NUFIP2: variants seen among roughly 807,000 people sequenced by gnomAD.
The protein encoded by NUFIP2 is nuclear FMR1 interacting protein 2.
A neutral mutation model predicts 56.9 loss-of-function variants in NUFIP2; 6 were observed. The ratio of observed to expected loss-of-function variants is 0.11; its 90% CI spans 0.06 to 0.21. The LOEUF (loss-of-function observed/expected upper bound fraction) is 0.21, where lower values mean the gene tolerates loss of function less well. NUFIP2 is among the 10% of genes least tolerant of loss of function. The pLI, the probability that NUFIP2 is intolerant of heterozygous loss-of-function variation, is 1.00. For synonymous variants in NUFIP2, 321 were observed against 298.2 expected, an observed-to-expected ratio of 1.08 and a Z score of -0.79; for missense variants, 828 against 826.8, an observed-to-expected ratio of 1.00 and a Z score of -0.02.
In NUFIP2 at chr17:29,288,217, T is replaced by C. The variant is rs181145021; in HGVS notation, c.278-501A>G. 9.2e-5 allele frequency among the ~76,000 whole-genome samples: 14 copies of C among 152,338 alleles called. No individual in the cohort carries two copies. The East Asian group carries it at 2.5e-3, about 27-fold the overall frequency. ...CACCACCACGCTCGGCTAATTCTTT[T>C]TGTATTTTTAGTAGAGACAGGATTT... is the stretch of plus-strand genomic sequence containing the variant. On this transcript the variant is annotated intron_variant, in intron 1 of 3. Coordinates refer to ENST00000225388, the MANE Select transcript of NUFIP2 (RefSeq NM_020772.3).
chr17:29,290,653 C>CAAAA (rs749932039), intron 1 of NUFIP2, among the ~76,000 whole-genome samples: 1 of 99,422 alleles, frequency 1.0e-5, no homozygotes. Context: ...GGCTGTGTCT[C>CAAAA]AAAAAAAAAA....
chr17:29,285,948 A>C, intron 2 of NUFIP2, 44 bp downstream of exon 2: 1 of 1,412,474 alleles, frequency 7.1e-7, no homozygotes, highest in Non-Finnish European at 9.7e-7. Flanking sequence ...ACAATATACT[A>C]AATTGGCCAA....
chr17:29,265,311 T>TTTA (rs2153010684), intron 3 of NUFIP2, among the ~76,000 whole-genome samples: 4 of 148,106 alleles, frequency 2.7e-5, no homozygotes, highest in African/African-American at 9.8e-5. Context: ...TTTTATTTTT[T>TTTA]TTTTTTTTTG....
At chr17:29,270,244 C>A (rs1016014695) in intron 2 of NUFIP2, among the ~76,000 whole-genome samples, 3 of 150,626 alleles carry the variant, frequency 2.0e-5, no homozygotes, top group Admixed American at 2.0e-4. Flanking sequence ...TGCGCAGACA[C>A]CTATCCAAAG....
chr17:29,277,662 G>A (rs1710554750), intron 2 of NUFIP2, among the ~76,000 whole-genome samples: 1 of 152,088 alleles, frequency 6.6e-6, no homozygotes, highest in African/African-American at 2.4e-5. Flanking sequence ...TTACAAAGAA[G>A]CTTGTCAGAA....
chr17:29,265,304 TA>T (rs199612767), intron 3 of NUFIP2, among the ~76,000 whole-genome samples: 34 of 130,296 alleles, frequency 2.6e-4, no homozygotes, highest in Non-Finnish European at 3.3e-4. Context: ...TATTTTATTT[TA>T]TTTTTTTTTT....
At chr17:29,290,830 C>G (rs945846929) in intron 1 of NUFIP2, among the ~76,000 whole-genome samples, 1 of 151,708 alleles carries the variant, frequency 6.6e-6, no homozygotes, top group Non-Finnish European at 1.5e-5. Context: ...TCCTTGGGCC[C>G]ATTAGTCACA....
At chr17:29,283,101 A>C (rs2069150158) in intron 2 of NUFIP2, among the ~76,000 whole-genome samples, 1 of 152,206 alleles carries the variant, frequency 6.6e-6, no homozygotes, top group Admixed American at 6.5e-5. Flanking sequence ...ATGACACTTT[A>C]CCTACAGCAA....
intron 2 of NUFIP2, among the ~76,000 whole-genome samples, chr17:29,277,087 C>A (rs777510304): frequency 6.6e-6 from 1 of 152,202 alleles, no homozygotes; most frequent in African/African-American, 2.4e-5. Flanking sequence ...TGCAACAGCA[C>A]AATCTCGGTT....
intron 3 of NUFIP2, among the ~76,000 whole-genome samples, chr17:29,267,054 C>T (rs2069041610): frequency 6.6e-6 from 1 of 151,726 alleles, no homozygotes. Flanking sequence ...CAGGCGCCTG[C>T]CACCACGCCC....
intron 2 of NUFIP2, among the ~76,000 whole-genome samples, chr17:29,276,084 G>A (rs1183828996): frequency 3.3e-5 from 5 of 149,344 alleles, no homozygotes; most frequent in African/African-American, 1.0e-4. Context: ...ACTTTTCAAT[G>A]GATTCTCACT....
At chr17:29,289,464 C>A (rs142425811) in intron 1 of NUFIP2, among the ~76,000 whole-genome samples, 1 of 152,026 alleles carries the variant, frequency 6.6e-6, no homozygotes, top group African/African-American at 2.4e-5. Flanking sequence ...TGGTGGTGCA[C>A]GCCTGTAATC....
At chr17:29,271,932 G>C (rs2069075066) in intron 2 of NUFIP2, among the ~76,000 whole-genome samples, 2 of 151,730 alleles carry the variant, frequency 1.3e-5, no homozygotes, top group Non-Finnish European at 2.9e-5. Context: ...AGTTAGCCAA[G>C]TGTGGGGGCG....
At chr17:29,278,926 A>G (rs746773211) in intron 2 of NUFIP2, among the ~76,000 whole-genome samples, 2 of 152,308 alleles carry the variant, frequency 1.3e-5, no homozygotes, top group Non-Finnish European at 2.9e-5. Context: ...CTTATCCCAT[A>G]TTAGGAATTA....
At chr17:29,271,946 A>G (rs1427658192) in intron 2 of NUFIP2, among the ~76,000 whole-genome samples, 2 of 151,206 alleles carry the variant, frequency 1.3e-5, no homozygotes, top group East Asian at 4.0e-4. Context: ...GGGGGCGGGC[A>G]CCGGTAGTCC....
chr17:29,278,337 C>T (rs1031209395), intron 2 of NUFIP2, among the ~76,000 whole-genome samples: 1 of 151,980 alleles, frequency 6.6e-6, no homozygotes, highest in African/African-American at 2.4e-5. Flanking sequence ...AGCTCCACCT[C>T]CCGGGTTCAC....
In NUFIP2 at chr17:29,259,487, G is replaced by A. The variant is rs1157572246; in HGVS notation, c.*5052C>T. On this transcript the variant is annotated 3_prime_UTR_variant, in exon 4 of 4. Transcript: ENST00000225388. The stretch of plus-strand genomic sequence containing the variant: ...CCCAGCTACATGGGAGGCTGAGGCA[G>A]GGGAATTGCTTGAACCAGGGAGGTG... The A allele has an allele frequency of 6.6e-6, 1 of 151,708 alleles. No homozygotes were observed. The highest frequency in any genetic ancestry group is 1.5e-5 in the Non-Finnish European group (1 of 68,136). 9.4% of individuals were successfully genotyped at this position (151,708 alleles called of 1,614,324 possible). A position where few individuals can be genotyped will look rare whatever the true frequency, so the allele number is the denominator to read the frequency against.
chr17:29,285,548 G>A (rs1424230827), intron 2 of NUFIP2, among the ~76,000 whole-genome samples: 3 of 149,102 alleles, frequency 2.0e-5, no homozygotes, highest in African/African-American at 7.4e-5. Context: ...CCGGGATTAC[G>A]CCACTGCACT....
intron 3 of NUFIP2, among the ~76,000 whole-genome samples, chr17:29,266,929 G>C (rs530464719): frequency 6.6e-6 from 1 of 151,422 alleles, no homozygotes; most frequent in Admixed American, 6.6e-5. Context: ...TGGAGATGGC[G>C]TTTCGCTCTT....
Sources: gnomAD v4.1 joint callset for allele counts (sites outside exome capture counted in the v4.1 genomes callset) on GRCh38, gnomAD v4.1.1 for gene constraint, MANE v1.5 for transcripts, NCBI Gene and HGNC (gene_info 2026-07-23, HGNC 2026-07-21) for gene names.